SMIM7: variants seen among roughly 807,000 people sequenced by gnomAD.
SMIM7 encodes UPF0608 protein C19orf42.
A neutral mutation model predicts 13.3 loss-of-function variants in SMIM7; 12 were observed. The observed-to-expected ratio is 0.90, with a 90% CI of 0.58 to 1.46. The LOEUF (loss-of-function observed/expected upper bound fraction) is 1.46. Ranked by LOEUF, SMIM7 falls within the 40% of genes most tolerant of loss-of-function variation. The pLI is 0.00. For synonymous variants in SMIM7, 36 were observed against 35.8 expected (o/e 1.01, Z -0.02); for missense variants, 114 against 94.8 (o/e 1.20, Z -0.84).
chr19:16,657,861 A>C (rs1357677645), intron 3 of SMIM7, among the ~76,000 whole-genome samples: 1 of 151,994 alleles, frequency 6.6e-6, no homozygotes, highest in Non-Finnish European at 1.5e-5. Flanking sequence ...CGAGATACCT[A>C]TCTCTACAAA....
intron 4 of SMIM7, among the ~76,000 whole-genome samples, chr19:16,633,547 C>CGT (rs1192783393): frequency 2.0e-5 from 3 of 150,636 alleles, no homozygotes; most frequent in Non-Finnish European, 3.0e-5. Flanking sequence ...TAAGTGTGTG[C>CGT]GTGTGTGTGT....
At chr19:16,634,777 TAAAAAAAAAAAAAAA>T (rs71334627) in intron 4 of SMIM7, 1 of 45,404 alleles carries the variant, frequency 2.2e-5, no homozygotes, top group Admixed American at 2.8e-4. Context: ...GACTCTGTCT[TAAAAAAAAAAAAAAA>T]AAAAAAAAAA....
intron 4 of SMIM7, among the ~76,000 whole-genome samples, chr19:16,633,468 A>G (rs2086336773): frequency 6.7e-6 from 1 of 149,956 alleles, no homozygotes; most frequent in Non-Finnish European, 1.5e-5. Context: ...AAAAAAAGAA[A>G]AAAAAAAAAA....
At chr19:16,654,239 G>C (rs775948916) in intron 3 of SMIM7, 114 bp from the exon 4 acceptor site, 8 of 771,926 alleles carry the variant, frequency 1.0e-5, no homozygotes, top group South Asian at 9.4e-5. Flanking sequence ...CTCCAACTTC[G>C]GCAACAGTGT....
At chr19:16,659,795 G>T (rs1476622235) in intron 2 of SMIM7, 164 bp downstream of exon 2, 3 of 873,928 alleles carry the variant, frequency 3.4e-6, no homozygotes, top group East Asian at 2.6e-5. Flanking sequence ...CTCGGGGGGT[G>T]GGGGGCGAGG....
At chr19:16,634,715 T>G (rs916094494) in intron 4 of SMIM7, 1 of 138,270 alleles carries the variant, frequency 7.2e-6, no homozygotes, top group African/African-American at 2.8e-5. Flanking sequence ...GAGGTGGAGG[T>G]TGCAGTAAGC....
downstream of SMIM7, among the ~76,000 whole-genome samples, chr19:16,642,775 C>A (rs191422926): frequency 9.9e-5 from 15 of 151,136 alleles, no homozygotes; most frequent in East Asian, 2.7e-3. Flanking sequence ...ACAGTGAGCT[C>A]TCATCACGCC....
intron 3 of SMIM7, among the ~76,000 whole-genome samples, chr19:16,654,443 C>T (rs1249146669): frequency 1.3e-5 from 2 of 152,208 alleles, no homozygotes; most frequent in Admixed American, 6.5e-5. Flanking sequence ...TTCTGCCAGG[C>T]TTACTGAGCT....
chr19:16,639,443 A>G (rs1385759402), intron 4 of SMIM7, among the ~76,000 whole-genome samples: 1 of 152,140 alleles, frequency 6.6e-6, no homozygotes, highest in African/African-American at 2.4e-5. Flanking sequence ...TTTTTAAAAA[A>G]CTGTCTAGTC....
chr19:16,651,223 C>T (rs1161621491), intron 4 of SMIM7, among the ~76,000 whole-genome samples: 2 of 152,208 alleles, frequency 1.3e-5, no homozygotes, highest in African/African-American at 4.8e-5. Context: ...GGCACATTTT[C>T]TCTGTAATGG....
chr19:16,633,474 A>G (rs1275127778), intron 4 of SMIM7, among the ~76,000 whole-genome samples: 1 of 151,786 alleles, frequency 6.6e-6, no homozygotes, highest in Non-Finnish European at 1.5e-5. Flanking sequence ...AGAAAAAAAA[A>G]AAAAAAAAAG....
chr19:16,659,844 A>G lies in SMIM7; in HGVS notation c.68+115T>C, dbSNP rs1346001245. 1.7e-5 allele frequency: 23 copies of G among 1,377,386 alleles called. No homozygotes were observed. The South Asian group carries it at 2.5e-4, about 15-fold the overall frequency. The allele number at this position is 1,377,386 out of a possible 1,614,324, so 85.3% of individuals were successfully genotyped here. On this transcript the variant is annotated intron_variant, in intron 2 of 4. Transcript: ENST00000487416. ...CTGGAGGCGTGCCCAGAGGGCGGAT[A>G]GGGCGGGGCCTGCGGCTTGGGGGCG...
intron 4 of SMIM7, chr19:16,652,852 G>A (rs1048654022): frequency 7.1e-6 from 11 of 1,550,178 alleles, no homozygotes; most frequent in Middle Eastern, 1.7e-4. Context: ...TTCTCCCGTC[G>A]TGTCTTTTCC....
At chr19:16,648,090 A>G (rs902827323) in intron 4 of SMIM7, among the ~76,000 whole-genome samples, 1 of 152,180 alleles carries the variant, frequency 6.6e-6, no homozygotes, top group Non-Finnish European at 1.5e-5. Context: ...TATAATACCC[A>G]AAGCACAAGT....
intron 4 of SMIM7, 141 bp from the exon 5 acceptor site, chr19:16,647,402 G>A: frequency 1.1e-6 from 1 of 913,978 alleles, no homozygotes; most frequent in South Asian, 1.5e-5. Context: ...AGTAACCTGT[G>A]ATCCACCTGT....
chr19:16,640,563 A>T (rs1287747214), intron 4 of SMIM7: 1 of 152,252 alleles, frequency 6.6e-6, no homozygotes, highest in Admixed American at 6.5e-5. Context: ...AGATCTCATT[A>T]TCCAACATCG....
intron 4 of SMIM7, among the ~76,000 whole-genome samples, chr19:16,651,270 T>C (rs1027983775): frequency 1.3e-5 from 2 of 152,200 alleles, no homozygotes; most frequent in African/African-American, 4.8e-5. Context: ...CTGCAAGCCA[T>C]GTCATCTCTG....
intron 4 of SMIM7, among the ~76,000 whole-genome samples, chr19:16,650,286 A>G (rs1289488602): frequency 6.6e-6 from 1 of 152,194 alleles, no homozygotes; most frequent in Non-Finnish European, 1.5e-5. Flanking sequence ...ATTTATCCGT[A>G]TTTTTGATGT....
At chr19:16,653,590 AAAAC>A (rs538337101) in intron 4 of SMIM7, 17 of 164,020 alleles carry the variant, frequency 1.0e-4, no homozygotes, top group Non-Finnish European at 1.7e-4. Context: ...CTCAAAAACA[AAAAC>A]AAACAAACAA....
Sources: allele counts gnomAD v4.1 joint callset (sites outside exome capture counted in the v4.1 genomes callset), GRCh38; gene constraint gnomAD v4.1.1; transcripts MANE v1.5; gene names NCBI Gene and HGNC (gene_info 2026-07-23, HGNC 2026-07-21).